Variants in OCIAD1 observed in about 807,000 individuals in gnomAD.
The protein encoded by OCIAD1 is OCIA domain-containing protein 1.
In OCIAD1, 29 loss-of-function variants were observed where a neutral mutation model predicts 38.9. The observed-to-expected ratio is 0.74, with a 90% CI of 0.55 to 1.02. The LOEUF (loss-of-function observed/expected upper bound fraction) is 1.02. Ranked by LOEUF, OCIAD1 falls within the 50% of genes least tolerant of loss-of-function variation. The probability of loss-of-function intolerance (pLI) is 0.00; values close to 1 mark genes in which losing one functional copy is unlikely to be tolerated. For missense variants in OCIAD1, 288 were observed against 289.6 expected (o/e 0.99, Z 0.04); for synonymous variants, 110 against 92.0 (o/e 1.20, Z -1.12).
chr4:48,852,077 C>T (rs1779534055), intron 7 of OCIAD1, 102 bp downstream of exon 7: 2 of 809,796 alleles, frequency 2.5e-6, no homozygotes, highest in South Asian at 1.9e-5. Flanking sequence ...GTGTGTTCTA[C>T]CATCAATCAT....
At chr4:48,847,606 CCT>C (rs1779081403) in intron 4 of OCIAD1, among the ~76,000 whole-genome samples, 1 of 152,114 alleles carries the variant, frequency 6.6e-6, no homozygotes, top group Non-Finnish European at 1.5e-5. Flanking sequence ...TACATTTTCC[CCT>C]GTTAATGGAT....
rs1411113063 is a variant in OCIAD1 at position 48,860,747 on chromosome 4, T to TA, written c.724dup (p.Thr242AsnfsTer4). On this transcript the variant is annotated frameshift_variant, in exon 9 of 9. Coordinates refer to ENST00000264312, the MANE Select transcript of OCIAD1 (RefSeq NM_017830.4). LOFTEE classifies it high-confidence loss of function. ...TAGTCAAAGTAAACAAGTATGGAGA[T>TA]ACTTGGGATGAGTGAAAAATTACAT... 1 of 1,605,320 alleles carries TA rather than the reference T, an allele frequency of 6.2e-7. No individual in the cohort carries two copies. The highest frequency in any genetic ancestry group is 8.5e-7 in the Non-Finnish European group (1 of 1,172,914).
chr4:48,812,460 A>G (rs1208409458), intron 1 of OCIAD1, among the ~76,000 whole-genome samples: 1 of 151,990 alleles, frequency 6.6e-6, no homozygotes, highest in Admixed American at 6.6e-5. Flanking sequence ...TCAGAAAGAC[A>G]AGAAAGAACC....
chr4:48,822,909 T>C (rs536757284), intron 1 of OCIAD1, among the ~76,000 whole-genome samples: 1 of 152,324 alleles, frequency 6.6e-6, no homozygotes, highest in South Asian at 2.1e-4. Context: ...GGTGAGGCTG[T>C]GGAGAAATCG....
chr4:48,860,623 A>C (rs1780513414), intron 8 of OCIAD1, 102 bp from the exon 9 acceptor site: 1 of 914,602 alleles, frequency 1.1e-6, no homozygotes, highest in East Asian at 2.4e-5. Flanking sequence ...CTTTTATTCA[A>C]ATGAGAGAGA....
At chr4:48,817,995 A>G (rs1161213298) in intron 1 of OCIAD1, among the ~76,000 whole-genome samples, 1 of 152,226 alleles carries the variant, frequency 6.6e-6, no homozygotes, top group African/African-American at 2.4e-5. Context: ...GGATTTAATC[A>G]TTCCTGCTTG....
At chr4:48,812,762 C>T (rs1225090304) in intron 1 of OCIAD1, among the ~76,000 whole-genome samples, 1 of 151,972 alleles carries the variant, frequency 6.6e-6, no homozygotes, top group Non-Finnish European at 1.5e-5. Flanking sequence ...AGGAGTTTTG[C>T]CATAAAAGAG....
At chr4:48,808,441 G>C (rs1777052213) in intron 1 of OCIAD1, among the ~76,000 whole-genome samples, 1 of 152,034 alleles carries the variant, frequency 6.6e-6, no homozygotes, top group African/African-American at 2.4e-5. Flanking sequence ...CTGCACTCCA[G>C]CCTGGGTGAC....
At chr4:48,821,175 A>G (rs1579036045) in intron 1 of OCIAD1, among the ~76,000 whole-genome samples, 1 of 152,198 alleles carries the variant, frequency 6.6e-6, no homozygotes, top group Non-Finnish European at 1.5e-5. Context: ...AACCAAATCG[A>G]GCAGCACATT....
In OCIAD1 at chr4:48,806,466, ATTTATAAAGAATG is replaced by A. The variant is rs569634145; in HGVS notation, c.-103+1141_-103+1153del. On this transcript the variant is annotated intron_variant, in intron 1 of 6. Transcript: ENST00000504654. ...AGGAACACTCTACCTTTTTCTTGAA[ATTTATAAAGAATG>A]TTTAAAACTCATTTCAAATTCTGGA... 1.8e-3 allele frequency among the ~76,000 whole-genome samples: 269 copies of A among 151,922 alleles called. 2 individuals are homozygous for A. Among genetic ancestry groups the A allele is most frequent in the African/African-American group, 6.0e-3 (247 of 41,432 alleles).
intron 1 of OCIAD1, among the ~76,000 whole-genome samples, chr4:48,817,061 T>C (rs1288323434): frequency 6.6e-6 from 1 of 152,146 alleles, no homozygotes; most frequent in Non-Finnish European, 1.5e-5. Context: ...AGAAGGTGGT[T>C]GATTTCTGCA....
intron 1 of OCIAD1, among the ~76,000 whole-genome samples, chr4:48,815,178 T>C (rs1163675079): frequency 6.6e-6 from 1 of 152,100 alleles, no homozygotes; most frequent in Non-Finnish European, 1.5e-5. Context: ...CCGGATGTGG[T>C]GGTGTGCACC....
upstream of OCIAD1, among the ~76,000 whole-genome samples, chr4:48,829,223 G>A (rs1777296574): frequency 1.3e-5 from 2 of 151,652 alleles, no homozygotes; most frequent in East Asian, 1.9e-4. Flanking sequence ...TGGCACCACT[G>A]TACTACGGTC....
At position 48,831,200 on chromosome 4, in the gene OCIAD1, C is replaced by A. The variant is rs530527554; in HGVS notation, c.-55C>A. 11 of 339,086 alleles carry A rather than the reference C, an allele frequency of 3.2e-5. No individual in the cohort carries two copies. The Admixed American group carries it at 4.4e-4, about 14-fold the overall frequency. The allele number at this position is 339,086 out of a possible 1,614,324, so 21.0% of individuals were successfully genotyped here. On this transcript the variant is annotated 5_prime_UTR_variant, in exon 1 of 9. An upstream open reading frame in the 5' UTR gains an earlier in-frame stop. Transcript: ENST00000264312. ...TCGAGTCCACCCTCCGGGCCTTCTG[C>A]CCCTGATCGCTTGGTTTTCCTTGCA...
rs1447436548 is a variant in OCIAD1 at position 48,816,365 on chromosome 4, G to A, written c.-103+11035G>A. Among the ~76,000 whole-genome samples the A allele has an allele frequency of 3.3e-5, 5 of 152,106 alleles. No homozygotes were observed. The East Asian group carries it at 9.7e-4, about 29-fold the overall frequency. ...ATACAAAATATAGTCAAGAGATTGAGACCATCCTGGCCAAAAAATTAGCTG... is the reference window on the plus strand; with the variant it reads ...ATACAAAATATAGTCAAGAGATTGAAACCATCCTGGCCAAAAAATTAGCTG... On this transcript the variant is annotated intron_variant, in intron 1 of 6. Coordinates refer to the OCIAD1 transcript ENST00000504654.
chr4:48,857,026 G>A (rs1780101789), intron 7 of OCIAD1, 187 bp from the exon 8 acceptor site: 3 of 335,146 alleles, frequency 9.0e-6, no homozygotes, highest in Admixed American at 9.8e-5. Context: ...AAAAATATGG[G>A]TGGAAGTAGA....
At chr4:48,834,873 C>T (rs1233943658) in intron 3 of OCIAD1, among the ~76,000 whole-genome samples, 10 of 152,178 alleles carry the variant, frequency 6.6e-5, no homozygotes, top group Admixed American at 5.2e-4. Context: ...TGCAAGGTAC[C>T]TGTTGGGAAG....
intron 1 of OCIAD1, among the ~76,000 whole-genome samples, chr4:48,819,731 AAAAAAAAAAAAAAG>A (rs1417578082): frequency 2.0e-4 from 29 of 144,226 alleles, no homozygotes; most frequent in African/African-American, 4.5e-4. Context: ...AAAAAAAAAA[AAAAAAAAAAAAAAG>A]GAGGGGTTGC....
At position 48,851,835 on chromosome 4, in the gene OCIAD1, C is replaced by G. The variant is rs1466419809; in HGVS notation, c.407C>G (p.Ser136Ter). 3.1e-6 allele frequency: 5 copies of G among 1,612,408 alleles called. No individual in the cohort carries two copies. Among genetic ancestry groups the G allele is most frequent in the Non-Finnish European group, 4.2e-6 (5 of 1,178,806 alleles). ...GHYYQKSKYD[S>*]SVSGQSSFVT... ...TATTATCAAAAGTCAAAATATGACT[C>G]AAGTGTGAGTGGTCAATCATCTTTT... The change falls in exon 7 of 9, where the codon TCA becomes TGA. Residue 136 changes from serine (S) to a stop codon, truncating the protein, a stop_gained. Transcript: ENST00000264312. LOFTEE classifies it high-confidence loss of function.
Sources: gnomAD v4.1 joint callset for allele counts (sites outside exome capture counted in the v4.1 genomes callset) on GRCh38, gnomAD v4.1.1 for gene constraint, MANE v1.5 for transcripts, NCBI Gene and HGNC (gene_info 2026-07-23, HGNC 2026-07-21) for gene names.